Variants in GLRB observed in about 807,000 individuals in gnomAD.
The protein encoded by GLRB is glycine receptor subunit beta.
A neutral mutation model predicts 54.2 loss-of-function variants in GLRB; 33 were observed. The ratio of observed to expected loss-of-function variants is 0.61; its 90% CI spans 0.46 to 0.81. The LOEUF (loss-of-function observed/expected upper bound fraction) is 0.81, where lower values mean the gene tolerates loss of function less well. GLRB is among the 40% of genes least tolerant of loss of function. The pLI is 0.00. For synonymous variants in GLRB, 209 were observed against 208.2 expected (o/e 1.00, Z -0.03); for missense variants, 572 against 584.6 (o/e 0.98, Z 0.22).
chr4:157,111,151 C>G (rs1276541800), intron 2 of GLRB, among the ~76,000 whole-genome samples: 1 of 151,932 alleles, frequency 6.6e-6, no homozygotes, highest in Non-Finnish European at 1.5e-5. Context: ...GAGAGAAAAG[C>G]CAGTCCCTTG....
chr4:157,123,802 G>A (rs184641635), intron 4 of GLRB, among the ~76,000 whole-genome samples: 1 of 151,686 alleles, frequency 6.6e-6, no homozygotes, highest in African/African-American at 2.4e-5. Flanking sequence ...TATCTAGCAC[G>A]ACACCACTAC....
chr4:157,148,543 A>C (rs1381412835), intron 8 of GLRB, among the ~76,000 whole-genome samples: 1 of 152,180 alleles, frequency 6.6e-6, no homozygotes, highest in Non-Finnish European at 1.5e-5. Context: ...ACTTCAGTAC[A>C]CAAATTTTGG....
chr4:157,153,505 A>G (rs778838577), intron 9 of GLRB, among the ~76,000 whole-genome samples: 3 of 152,172 alleles, frequency 2.0e-5, no homozygotes, highest in African/African-American at 7.2e-5. Context: ...CAGGCAGGCT[A>G]CTTGTTTATT....
chr4:157,170,889 C>A lies in GLRB; in HGVS notation c.*161C>A. ...GTGGCACCTTAATTTTGAATGGCAGCATGATCATGTAATATCTGTGCTCTA... is the reference window on the plus strand; with the variant it reads ...GTGGCACCTTAATTTTGAATGGCAGAATGATCATGTAATATCTGTGCTCTA... On this transcript the variant is annotated 3_prime_UTR_variant, in exon 10 of 10. Transcript: ENST00000264428. 1.8e-6 allele frequency: 1 copy of A among 566,626 alleles called. No homozygotes were observed. Among genetic ancestry groups the A allele is most frequent in the African/African-American group, 1.9e-5 (1 of 53,390 alleles). The allele number at this position is 566,626 out of a possible 1,614,324, so 35.1% of individuals were successfully genotyped here.
At chr4:157,103,191 A>AATAGGGACAC (rs1735102544) in intron 2 of GLRB, among the ~76,000 whole-genome samples, 1 of 151,848 alleles carries the variant, frequency 6.6e-6, no homozygotes, top group Non-Finnish European at 1.5e-5. Context: ...AAGTAGGGAC[A>AATAGGGACAC]ATAGGGACAC....
chr4:157,117,579 G>A (rs73856835), intron 2 of GLRB, among the ~76,000 whole-genome samples: 23,128 of 151,616 alleles, frequency 0.15, 1,941 homozygotes, highest in African/African-American at 0.23. Flanking sequence ...GTTCAGCAAT[G>A]GTCAATGCTG....
intron 2 of GLRB, among the ~76,000 whole-genome samples, chr4:157,116,711 C>G (rs1489924389): frequency 2.0e-5 from 3 of 151,462 alleles, no homozygotes; most frequent in African/African-American, 7.3e-5. Flanking sequence ...TATTGATAAG[C>G]TAAAAAATAT....
chr4:157,162,603 C>A (rs544629728), intron 9 of GLRB, among the ~76,000 whole-genome samples: 120 of 152,304 alleles, frequency 7.9e-4, no homozygotes, highest in African/African-American at 2.7e-3. Context: ...GAGGTCCACT[C>A]CAGCCCCTGT....
intron 2 of GLRB, among the ~76,000 whole-genome samples, chr4:157,112,446 G>C (rs1312943088): frequency 6.6e-6 from 1 of 152,028 alleles, no homozygotes; most frequent in Admixed American, 6.6e-5. Flanking sequence ...AAGTGAGAGA[G>C]AAATTTAGCA....
chr4:157,153,904 GT>G (rs1270993369), intron 9 of GLRB, among the ~76,000 whole-genome samples: 1 of 152,104 alleles, frequency 6.6e-6, no homozygotes, highest in Non-Finnish European at 1.5e-5. Context: ...ATCACCACTA[GT>G]CCCCTCACCT....
chr4:157,150,999 C>A (rs773220680), intron 8 of GLRB, among the ~76,000 whole-genome samples: 17 of 151,904 alleles, frequency 1.1e-4, no homozygotes, highest in Non-Finnish European at 2.2e-4. Context: ...ATATTCTCTA[C>A]CAAACATGGT....
At position 157,136,704 on chromosome 4, in the gene GLRB, CTTTT is replaced by C; in HGVS notation, c.527+7_527+10del. On this transcript the variant is annotated splice_region_variant and intron_variant, in intron 5 of 9. Coordinates refer to ENST00000264428, the MANE Select transcript of GLRB (RefSeq NM_000824.5). ...GATGTCCTTGTCAGCATGAGGTACT[CTTTT>C]ATATTTCATATTTGTGCATTTATAT... is the stretch of plus-strand genomic sequence containing the variant. The C allele has an allele frequency of 6.4e-7, 1 of 1,551,440 alleles. No homozygotes were observed. The highest frequency in any genetic ancestry group is 1.1e-5 in the South Asian group (1 of 89,748).
intron 3 of GLRB, among the ~76,000 whole-genome samples, chr4:157,121,787 T>G (rs776513710): frequency 4.6e-5 from 7 of 151,726 alleles, no homozygotes; most frequent in Non-Finnish European, 8.8e-5. Flanking sequence ...TTTCAAATTA[T>G]TTTTCAAAAG....
rs543677830 is a variant in GLRB at position 157,083,901 on chromosome 4, C to T, written c.122+5755C>T. On this transcript the variant is annotated intron_variant, in intron 2 of 9. Transcript: ENST00000264428. ...GGTGTAATAGTAAGAAGAAATATGT[C>T]AAGCTACTATAATTTTCAAGAAATA... 1.5e-3 allele frequency among the ~76,000 whole-genome samples: 233 copies of T among 152,114 alleles called. 1 individual carries two copies. The highest frequency in any genetic ancestry group is 5.3e-3 in the African/African-American group (221 of 41,494).
chr4:157,119,125 T>C (rs1009489705), intron 2 of GLRB, among the ~76,000 whole-genome samples: 1 of 151,646 alleles, frequency 6.6e-6, no homozygotes, highest in African/African-American at 2.4e-5. Context: ...AGCAAAACAA[T>C]GCAGATTTTC....
chr4:157,158,357 T>C (rs1297262169), intron 9 of GLRB, among the ~76,000 whole-genome samples: 1 of 152,216 alleles, frequency 6.6e-6, no homozygotes, highest in Admixed American at 6.5e-5. Flanking sequence ...TTGTCAATTT[T>C]GGCTTTTGTT....
intron 2 of GLRB, among the ~76,000 whole-genome samples, chr4:157,096,795 G>A (rs1734829568): frequency 6.6e-6 from 1 of 152,214 alleles, no homozygotes; most frequent in Non-Finnish European, 1.5e-5. Context: ...GCAGAAAGTA[G>A]TTAAAGCAGA....
In GLRB at chr4:157,152,745, C is replaced by T; in HGVS notation, c.932C>T (p.Ser311Phe). The T allele has an allele frequency of 1.9e-6, 3 of 1,613,756 alleles. No homozygotes were observed. The highest frequency in any genetic ancestry group is 2.5e-6 in the Non-Finnish European group (3 of 1,179,740). Residue 311 changes from serine (S) to phenylalanine (F), a missense_variant, in exon 9 of 10, where the codon TCT becomes TTT. Physicochemically the swap from Ser to Phe is radical, Grantham distance 155. Coordinates refer to ENST00000264428, the MANE Select transcript of GLRB (RefSeq NM_000824.5). ...ATCTTCTCAGTCCTCAGCTTGGCCTCTGAGTGCACAACCCTTGCCGCTGAG... is the reference window on the plus strand; with the variant it reads ...ATCTTCTCAGTCCTCAGCTTGGCCTTTGAGTGCACAACCCTTGCCGCTGAG... Reference protein sequence around the residue: ...LGIFSVLSLASECTTLAAELP... With the variant: ...LGIFSVLSLAFECTTLAAELP...
At chr4:157,128,160 C>A (rs951992807) in intron 4 of GLRB, among the ~76,000 whole-genome samples, 1 of 151,714 alleles carries the variant, frequency 6.6e-6, no homozygotes, top group East Asian at 1.9e-4. Flanking sequence ...AAGGTTAATT[C>A]TATTAAGGAT....
Sources: gnomAD v4.1 joint callset for allele counts (sites outside exome capture counted in the v4.1 genomes callset) on GRCh38, gnomAD v4.1.1 for gene constraint, MANE v1.5 for transcripts, NCBI Gene and HGNC (gene_info 2026-07-23, HGNC 2026-07-21) for gene names.